Variants in TCTN3 observed in about 807,000 individuals in gnomAD.
The protein encoded by TCTN3 is tectonic family member 3.
Under a neutral mutation model 71.3 loss-of-function variants are expected in TCTN3, and 57 were observed. The ratio of observed to expected loss-of-function variants is 0.80; its 90% CI spans 0.65 to 1.00. The LOEUF (loss-of-function observed/expected upper bound fraction) is 1.00. TCTN3 is among the 50% of genes least tolerant of loss of function. The pLI, the probability that TCTN3 is intolerant of heterozygous loss-of-function variation, is 0.00. For missense variants in TCTN3, 696 were observed against 719.9 expected, an observed-to-expected ratio of 0.97 and a Z score of 0.38; for synonymous variants, 258 against 267.8, an observed-to-expected ratio of 0.96 and a Z score of 0.36.
rs201444392 is a variant in TCTN3 at position 95,687,725 on chromosome 10, A to G, written c.500-6T>C. The G allele has an allele frequency of 1.1e-4, 179 of 1,602,762 alleles. 1 individual carries two copies. The African/African-American group carries it at 2.2e-3, about 20-fold the overall frequency. ...CTGGAAATAGTTTAAGTTTGCTAAA[A>G]TGTTTTTTAAAAGAAAAAGCGTTTA... On this transcript the variant is annotated splice_region_variant and splice_polypyrimidine_tract_variant and intron_variant, in intron 3 of 13. Coordinates refer to ENST00000371217, the MANE Select transcript of TCTN3 (RefSeq NM_015631.6).
chr10:95,676,892 G>A (rs1426067556), intron 13 of TCTN3, among the ~76,000 whole-genome samples: 1 of 152,090 alleles, frequency 6.6e-6, no homozygotes, highest in Non-Finnish European at 1.5e-5. Context: ...ACAACCCAAT[G>A]AGTATTATTA....
intron 13 of TCTN3, among the ~76,000 whole-genome samples, chr10:95,678,405 T>C (rs1227239158): frequency 6.6e-6 from 1 of 151,868 alleles, no homozygotes; most frequent in African/African-American, 2.4e-5. Context: ...TGGTTGCAGG[T>C]GCCTGTAGTC....
At chr10:95,685,526 C>A in intron 8 of TCTN3, 30 bp downstream of exon 8, 1 of 1,517,732 alleles carries the variant, frequency 6.6e-7, no homozygotes, top group South Asian at 1.2e-5. Flanking sequence ...TAACACACAT[C>A]AGTCCAGAAT....
chr10:95,673,090 G>T (rs890663867), intron 13 of TCTN3, among the ~76,000 whole-genome samples: 3 of 152,196 alleles, frequency 2.0e-5, no homozygotes, highest in South Asian at 4.1e-4. Context: ...TGAGTCTTTT[G>T]TCAGATAAAC....
At chr10:95,665,377 C>G (rs1030351639) in intron 13 of TCTN3, among the ~76,000 whole-genome samples, 2 of 152,138 alleles carry the variant, frequency 1.3e-5, no homozygotes, top group Non-Finnish European at 2.9e-5. Flanking sequence ...CTCCCGGGTT[C>G]AAGTGATTCT....
At chr10:95,672,792 A>G (rs2097932981) in intron 13 of TCTN3, among the ~76,000 whole-genome samples, 1 of 148,852 alleles carries the variant, frequency 6.7e-6, no homozygotes, top group African/African-American at 2.5e-5. Flanking sequence ...TCCCAGGTTC[A>G]AGCAATTCTC....
At chr10:95,664,336 G>T (rs2097924067) in intron 13 of TCTN3, 36 bp from the exon 14 acceptor site, 1 of 1,574,548 alleles carries the variant, frequency 6.4e-7, no homozygotes, top group Non-Finnish European at 8.7e-7. Flanking sequence ...TCAGCGCTTG[G>T]TACCCATTCA....
In TCTN3 at chr10:95,693,601, GA is replaced by G. The variant is rs2097955760; in HGVS notation, c.256+42del. On this transcript the variant is annotated intron_variant, in intron 1 of 13. Coordinates refer to ENST00000371217, the MANE Select transcript of TCTN3 (RefSeq NM_015631.6). ...GCTCAACTTTGCTCACAGAATTTTA[GA>G]TCTCAGAAGTAAGTTTCCACCCCCA... 1.9e-6 allele frequency: 3 copies of G among 1,547,076 alleles called. No individual in the cohort carries two copies. The South Asian group carries it at 3.6e-5, about 18-fold the overall frequency.
chr10:95,690,678 T>C (rs539165203), intron 3 of TCTN3, among the ~76,000 whole-genome samples: 1 of 152,302 alleles, frequency 6.6e-6, no homozygotes, highest in Non-Finnish European at 1.5e-5. Flanking sequence ...TTGGATCAAA[T>C]AGGAGATCTG....
At chr10:95,672,810 A>G (rs534176754) in intron 13 of TCTN3, among the ~76,000 whole-genome samples, 3 of 149,286 alleles carry the variant, frequency 2.0e-5, no homozygotes, top group African/African-American at 5.0e-5. Flanking sequence ...CTCGTGCCTC[A>G]GCCTCTGAAG....
At chr10:95,685,375 G>T (rs917075511) in intron 8 of TCTN3, among the ~76,000 whole-genome samples, 181 bp downstream of exon 8, 6 of 152,198 alleles carry the variant, frequency 3.9e-5, no homozygotes, top group African/African-American at 1.2e-4. Context: ...TTCACAATAT[G>T]CTACTTTTAC....
chr10:95,687,007 A>G (rs1432089313), intron 6 of TCTN3, 37 bp downstream of exon 6: 1 of 1,506,546 alleles, frequency 6.6e-7, no homozygotes, highest in South Asian at 1.1e-5. Context: ...CTTCAACTTC[A>G]TAGTAGTGAC....
intron 13 of TCTN3, among the ~76,000 whole-genome samples, chr10:95,678,364 T>G (rs1160574287): frequency 6.6e-6 from 1 of 151,888 alleles, no homozygotes; most frequent in Admixed American, 6.6e-5. Context: ...AAACTCCGTC[T>G]TTACTAAAAA....
rs1566074493 is a variant in TCTN3, at chr10:95,687,127, G to GA, written c.768dup (p.Arg257SerfsTer8). On this transcript the variant is annotated frameshift_variant, in exon 6 of 14. Coordinates refer to ENST00000371217, the MANE Select transcript of TCTN3 (RefSeq NM_015631.6). LOFTEE classifies it high-confidence loss of function. ...CTACTAGCCAGGTTCTTGAAAAAAC[G>GA]AGTGCAAGTTGTACTTTTACTCTCT... The GA allele has an allele frequency of 6.2e-7, 1 of 1,614,124 alleles. No individual in the cohort carries two copies. Among genetic ancestry groups the GA allele is most frequent in the East Asian group, 2.2e-5 (1 of 44,888 alleles).
intron 3 of TCTN3, among the ~76,000 whole-genome samples, chr10:95,690,484 A>G (rs776710367): frequency 2.0e-5 from 3 of 152,222 alleles, no homozygotes; most frequent in Non-Finnish European, 2.9e-5. Flanking sequence ...TGAGCAAGAA[A>G]ACACTCGTGG....
intron 13 of TCTN3, among the ~76,000 whole-genome samples, chr10:95,668,523 A>G (rs1187393158): frequency 1.3e-5 from 2 of 152,202 alleles, no homozygotes; most frequent in African/African-American, 4.8e-5. Flanking sequence ...ATAATTTTCA[A>G]TCTAGAATGT....
chr10:95,689,621 A>G (rs1441109949), intron 3 of TCTN3, among the ~76,000 whole-genome samples: 1 of 152,254 alleles, frequency 6.6e-6, no homozygotes, highest in East Asian at 1.9e-4. Flanking sequence ...GAGAAAGTTT[A>G]CATTTTGTCT....
intron 13 of TCTN3, among the ~76,000 whole-genome samples, chr10:95,670,853 G>A (rs901553687): frequency 6.6e-6 from 1 of 151,872 alleles, no homozygotes; most frequent in Admixed American, 6.6e-5. Context: ...TGTAGAGATG[G>A]GGTCTCACTA....
chr10:95,693,627 A>C lies in TCTN3; in HGVS notation c.256+17T>G. ...ATCTCAGAAGTAAGTTTCCACCCCCACAACGTTTTCCCTCACCTGGGAAGA... is the reference window on the plus strand; with the variant it reads ...ATCTCAGAAGTAAGTTTCCACCCCCCCAACGTTTTCCCTCACCTGGGAAGA... On this transcript the variant is annotated intron_variant, in intron 1 of 13. Coordinates refer to ENST00000371217, the MANE Select transcript of TCTN3 (RefSeq NM_015631.6). 1.3e-6 allele frequency: 2 copies of C among 1,548,722 alleles called. No individual in the cohort carries two copies. The highest frequency in any genetic ancestry group is 1.7e-6 in the Non-Finnish European group (2 of 1,146,164).
Sources: gnomAD v4.1 joint callset for allele counts (sites outside exome capture counted in the v4.1 genomes callset) on GRCh38, gnomAD v4.1.1 for gene constraint, MANE v1.5 for transcripts, NCBI Gene and HGNC (gene_info 2026-07-23, HGNC 2026-07-21) for gene names.